The following DYSF variants were observed in gnomAD, a reference collection of about 807,000 sequenced individuals.
The protein encoded by DYSF is dystrophy-associated fer-1-like 1.
In DYSF, 212 loss-of-function variants were observed where a neutral mutation model predicts 274.9. That is an observed-to-expected ratio of 0.77 (90% CI 0.69 to 0.86). The LOEUF is 0.86. Among genes scored for constraint, DYSF ranks in the 40% least tolerant of loss-of-function variants. DYSF has a pLI of 0.00. For missense variants in DYSF, 2,666 were observed against 2,783.2 expected, an observed-to-expected ratio of 0.96 and a Z score of 0.95; for synonymous variants, 1,091 against 1,078.7, an observed-to-expected ratio of 1.01 and a Z score of -0.22.
rs147483765 is a variant in DYSF, at chr2:71,574,312, C to T, written c.3343C>T (p.Arg1115Cys). The change falls in exon 30 of 56, where the codon CGC (arginine) becomes TGC (cysteine). Residue 1115 changes from arginine (R) to cysteine (C), a missense_variant. Arg to Cys is a radical substitution (Grantham distance 180, BLOSUM62 -3). Around this residue, in one of 3 missense-constraint regions of DYSF, gnomAD observed 1,460 missense variants for 1,502.1 expected, o/e 0.97. Coordinates refer to ENST00000410020, the MANE Select transcript of DYSF (RefSeq NM_001130987.2). ...DAFRRRRWRR[R>C]MEPLEKTGPA... ...CTTCCGCCGCCGCCGCTGGCGCCGT[C>T]GCATGGAGCCACTGGAGAAGACGGG... 1.4e-4 allele frequency: 227 copies of T among 1,614,116 alleles called. No homozygotes were observed. In the East Asian group the frequency reaches 3.1e-3, roughly 22 times the overall value.
At chr2:71,680,477 A>C (rs1387865270) in intron 53 of DYSF, among the ~76,000 whole-genome samples, 1 of 152,202 alleles carries the variant, frequency 6.6e-6, no homozygotes, top group Admixed American at 6.5e-5. Flanking sequence ...TTCTAAATAA[A>C]TAACCCAATA....
In DYSF at chr2:71,500,445, G is replaced by C. The variant is rs562144759; in HGVS notation, c.240-2769G>C. Among the ~76,000 whole-genome samples, 157 of 152,234 alleles carry C rather than the reference G, an allele frequency of 1.0e-3. No homozygotes were observed. The South Asian group carries it at 0.017, about 16-fold the overall frequency. On this transcript the variant is annotated intron_variant, in intron 3 of 55. Transcript: ENST00000410020. ...TGCCCCCAGGCCGATAGCAGGGTTT[G>C]GGGGTGCATTTCATGGCCCCAAAAA...
intron 30 of DYSF, among the ~76,000 whole-genome samples, chr2:71,579,646 T>C (rs189194714): frequency 3.3e-5 from 5 of 152,316 alleles, no homozygotes; most frequent in Admixed American, 2.0e-4. Flanking sequence ...GATTCTATTA[T>C]TAGCCCCATT....
chr2:71,647,856 G>T (rs1400808401), intron 42 of DYSF, among the ~76,000 whole-genome samples: 1 of 152,174 alleles, frequency 6.6e-6, no homozygotes, highest in Non-Finnish European at 1.5e-5. Context: ...TGAAAGTGAG[G>T]TTTCACCATG....
intron 36 of DYSF, among the ~76,000 whole-genome samples, chr2:71,608,996 A>AC (rs11459402): frequency 0.67 from 100,782 of 151,328 alleles, 35,118 homozygotes; most frequent in African/African-American, 0.89. Flanking sequence ...TGGGTTGGGC[A>AC]TAGCCATAAG....
chr2:71,512,194 G>A (rs1345736419), intron 5 of DYSF, among the ~76,000 whole-genome samples: 2 of 152,208 alleles, frequency 1.3e-5, no homozygotes, highest in Non-Finnish European at 2.9e-5. Flanking sequence ...CCTGGGGACG[G>A]GGCTGAGCCC....
Position 71,481,864 on chromosome 2 carries a change from C to T in DYSF, c.148-15C>T, listed in dbSNP as rs2082938958. 6.2e-7 allele frequency: 1 copy of T among 1,612,080 alleles called. No homozygotes were observed. Among genetic ancestry groups the T allele is most frequent in the Non-Finnish European group, 8.5e-7 (1 of 1,178,332 alleles). ...AGGGCCATAGGTTAAGATGCCTTTT[C>T]TCTTTTTCTTCCAGGGATTTGAATG... On this transcript the variant is annotated splice_polypyrimidine_tract_variant and intron_variant, in intron 2 of 55. Transcript: ENST00000410020.
At chr2:71,528,779 T>G (rs1376161025) in intron 14 of DYSF, among the ~76,000 whole-genome samples, 1 of 152,198 alleles carries the variant, frequency 6.6e-6, no homozygotes, top group Non-Finnish European at 1.5e-5. Flanking sequence ...ATAATGGTTA[T>G]TTAAAAAATG....
chr2:71,556,157 G>A (rs897133773), intron 22 of DYSF, 86 bp downstream of exon 22: 7 of 1,136,570 alleles, frequency 6.2e-6, no homozygotes, highest in African/African-American at 1.5e-5. Context: ...GTGGCAGTGA[G>A]CAGTGGCACG....
intron 1 of DYSF, among the ~76,000 whole-genome samples, chr2:71,474,992 C>G (rs1474407668): frequency 6.6e-6 from 1 of 152,150 alleles, no homozygotes; most frequent in South Asian, 2.1e-4. Flanking sequence ...GAACCCTGTG[C>G]AGCAGACACT....
At position 71,558,859 on chromosome 2, in the gene DYSF, C is replaced by A. The variant is rs941161611; in HGVS notation, c.2216+2788C>A. ...GGCAGCAGGAGCAATTCGCTCAGCTCCACCTGAGGCCACTGAGTGGCCCAG... is the reference window on the plus strand; with the variant it reads ...GGCAGCAGGAGCAATTCGCTCAGCTACACCTGAGGCCACTGAGTGGCCCAG... On this transcript the variant is annotated intron_variant, in intron 22 of 55. Transcript: ENST00000410020. 2.6e-5 allele frequency among the ~76,000 whole-genome samples: 4 copies of A among 152,134 alleles called. No individual in the cohort carries two copies. In the East Asian group the frequency reaches 7.7e-4, roughly 29 times the overall value.
chr2:71,574,343 C>CAGCT lies in DYSF; in HGVS notation c.3375_3378dup (p.Val1127SerfsTer6), dbSNP rs1453455808. The CAGCT allele has an allele frequency of 1.9e-6, 3 of 1,614,018 alleles. No individual in the cohort carries two copies. The highest frequency in any genetic ancestry group is 1.7e-6 in the Non-Finnish European group (2 of 1,179,920). On this transcript the variant is annotated frameshift_variant, in exon 30 of 56. Transcript: ENST00000410020. LOFTEE classifies it high-confidence loss of function. Reference sequence around the variant, plus strand: ...GAGCCACTGGAGAAGACGGGGCCTGCAGCTGTGTTTGCCCTTGAGGGGGCC... The same window carrying CAGCT: ...GAGCCACTGGAGAAGACGGGGCCTGCAGCTAGCTGTGTTTGCCCTTGAGGGGGCC...
intron 1 of DYSF, among the ~76,000 whole-genome samples, chr2:71,478,095 C>T (rs74667015): frequency 2.1e-5 from 3 of 145,838 alleles, no homozygotes; most frequent in South Asian, 4.3e-4. Flanking sequence ...ATTTATTGGG[C>T]TTATTGTGAT....
chr2:71,484,742 G>A (rs2083230202), intron 3 of DYSF, among the ~76,000 whole-genome samples: 1 of 152,134 alleles, frequency 6.6e-6, no homozygotes, highest in African/African-American at 2.4e-5. Context: ...TTCTCTGTAG[G>A]GAGATTTCTA....
At chr2:71,624,200 C>T (rs1220597255) in intron 41 of DYSF, among the ~76,000 whole-genome samples, 3 of 152,296 alleles carry the variant, frequency 2.0e-5, no homozygotes, top group South Asian at 2.1e-4. Context: ...ATTAGTACAA[C>T]CCAGCTCATC....
At chr2:71,463,467 G>T (rs2081369494), upstream of DYSF, among the ~76,000 whole-genome samples, 1 of 152,172 alleles carries the variant, frequency 6.6e-6, no homozygotes, top group Admixed American at 6.5e-5. Flanking sequence ...CACCAACTTG[G>T]TAGGGGGCGG....
At chr2:71,525,509 C>T (rs771913007) in intron 12 of DYSF, among the ~76,000 whole-genome samples, 14 of 152,166 alleles carry the variant, frequency 9.2e-5, no homozygotes, top group Non-Finnish European at 1.0e-4. Context: ...CAGGTGCGAG[C>T]CACGGCGCCC....
chr2:71,660,761 A>T, intron 45 of DYSF, 110 bp downstream of exon 45: 1 of 930,798 alleles, frequency 1.1e-6, no homozygotes, highest in Admixed American at 2.0e-5. Context: ...TTGGAGCAAA[A>T]CTGTATTCCT....
intron 12 of DYSF, among the ~76,000 whole-genome samples, chr2:71,525,248 G>A (rs2087733650): frequency 6.6e-6 from 1 of 151,898 alleles, no homozygotes; most frequent in African/African-American, 2.4e-5. Context: ...GGGGCGGGGG[G>A]CGGTCTCACT....
Sources: gnomAD v4.1 joint callset for allele counts (sites outside exome capture counted in the v4.1 genomes callset) on GRCh38, gnomAD v4.1.1 for gene constraint, gnomAD v4.1.1 regional missense constraint, MANE v1.5 for transcripts, NCBI Gene and HGNC (gene_info 2026-07-23, HGNC 2026-07-21) for gene names.